The following KIF15 variants were observed in gnomAD, a reference collection of about 807,000 sequenced individuals.
KIF15 encodes the protein kinesin family member 15.
KIF15 carries 140 observed loss-of-function variants against 190.6 expected under a neutral mutation model. The ratio of observed to expected loss-of-function variants is 0.73; its 90% CI spans 0.64 to 0.84. The LOEUF (loss-of-function observed/expected upper bound fraction) is 0.84, where lower values mean the gene tolerates loss of function less well. Among genes scored for constraint, KIF15 ranks in the 40% least tolerant of loss-of-function variants. The pLI, the probability that KIF15 is intolerant of heterozygous loss-of-function variation, is 0.00. For missense variants in KIF15, 1,372 were observed against 1,584.4 expected (o/e 0.87, Z 2.28); for synonymous variants, 528 against 551.3 (o/e 0.96, Z 0.59).
At chr3:44,814,804 A>G in intron 19 of KIF15, 107 bp from the exon 20 acceptor site, 2 of 819,628 alleles carry the variant, frequency 2.4e-6, no homozygotes, top group South Asian at 5.0e-5. Context: ...ATTTTTCCTT[A>G]AAATAGTCTC....
At chr3:44,843,324 C>A in intron 30 of KIF15, 90 bp downstream of exon 30, 1 of 780,300 alleles carries the variant, frequency 1.3e-6, no homozygotes, top group Non-Finnish European at 2.1e-6. Flanking sequence ...ACAGGTTTCC[C>A]AAGGTGTACA....
chr3:44,847,824 C>G (rs1338432726), intron 30 of KIF15, among the ~76,000 whole-genome samples, 161 bp from the exon 31 acceptor site: 2 of 152,242 alleles, frequency 1.3e-5, no homozygotes, highest in South Asian at 2.1e-4. Flanking sequence ...GTGTCAATCA[C>G]ATTTATCAAC....
chr3:44,829,604 A>ATATATTATATG lies in KIF15; in HGVS notation c.2944-362_2944-361insTATATGTATAT, dbSNP rs1491488325. On this transcript the variant is annotated intron_variant, in intron 24 of 34. Coordinates refer to ENST00000326047, the MANE Select transcript of KIF15 (RefSeq NM_020242.3). ...TGTATATATTATATATTATATATGCATATATATTATATATGTATATACATT... is the reference window on the plus strand; with the variant it reads ...TGTATATATTATATATTATATATGCATATATTATATGTATATATTATATATGTATATACATT... 2.2e-4 allele frequency among the ~76,000 whole-genome samples: 7 copies of ATATATTATATG among 32,232 alleles called. 1 individual carries two copies. The highest frequency in any genetic ancestry group is 8.7e-4 in the African/African-American group (7 of 8,078). 21.1% of individuals were successfully genotyped at this position (32,232 alleles called of 152,430 possible). A position where few individuals can be genotyped will look rare whatever the true frequency, so the allele number is the denominator to read the frequency against.
At position 44,839,214 on chromosome 3, in the gene KIF15, CA is replaced by C. The variant is rs530002497; in HGVS notation, c.3318+801del. On this transcript the variant is annotated intron_variant, in intron 27 of 34. Coordinates refer to ENST00000326047, the MANE Select transcript of KIF15 (RefSeq NM_020242.3). ...TGAACCCCCGTCTCTACTGAAAGCA[CA>C]AAAAAAATTAGCCGGGCGTGGTGGC... Among the ~76,000 whole-genome samples, 105 of 151,050 alleles carry C rather than the reference CA, an allele frequency of 7.0e-4. 1 individual carries two copies. The highest frequency in any genetic ancestry group is 1.3e-3 in the Non-Finnish European group (87 of 67,642).
rs1401015169 is a variant in KIF15, at chr3:44,805,924, A to G, written c.1909A>G (p.Thr637Ala). Reference protein sequence around the residue: ...NLNLENLLEATKACKRQEVSQ... With the variant: ...NLNLENLLEAAKACKRQEVSQ... ...TAATCTTGAAAACCTTTTGGAAGCA[A>G]CAAAAGCCTGCAAGCGGCAAGAAGT... The change falls in exon 16 of 35, where the codon ACA (threonine) becomes GCA (alanine). Residue 637 changes from threonine (T) to alanine (A), a missense_variant. Coordinates refer to ENST00000326047, the MANE Select transcript of KIF15 (RefSeq NM_020242.3). 1.9e-6 allele frequency: 3 copies of G among 1,614,204 alleles called. No individual in the cohort carries two copies. In the African/African-American group the frequency reaches 4.0e-5, roughly 22 times the overall value.
rs182267219 is a variant in KIF15, at chr3:44,811,247, T to C, written c.2169+204T>C. Among the ~76,000 whole-genome samples, 449 of 152,352 alleles carry C rather than the reference T, an allele frequency of 2.9e-3. 1 individual carries two copies. Among genetic ancestry groups the C allele is most frequent in the Non-Finnish European group, 3.3e-3 (223 of 68,034 alleles). On this transcript the variant is annotated intron_variant, in intron 17 of 34. Coordinates refer to ENST00000326047, the MANE Select transcript of KIF15 (RefSeq NM_020242.3). ...TCTCTACTTTACAATCTTTAGCAAGTCATTCTCCATGGGTTTTTGTTCCTT... is the reference window on the plus strand; with the variant it reads ...TCTCTACTTTACAATCTTTAGCAAGCCATTCTCCATGGGTTTTTGTTCCTT...
At chr3:44,823,410 A>G (rs370003760) in intron 20 of KIF15, among the ~76,000 whole-genome samples, 1 of 152,140 alleles carries the variant, frequency 6.6e-6, no homozygotes, top group Admixed American at 6.6e-5. Context: ...ACCCACCTGT[A>G]TGAGGTGTCA....
intron 26 of KIF15, among the ~76,000 whole-genome samples, chr3:44,833,009 C>CAAAAAAAAAA (rs11339810): frequency 1.2e-5 from 1 of 85,210 alleles, no homozygotes; most frequent in African/African-American, 4.0e-5. Flanking sequence ...GACTCCATCT[C>CAAAAAAAAAA]AAAAAAAAAA....
chr3:44,814,966 G>C lies in KIF15; in HGVS notation c.2439G>C (p.Glu813Asp), dbSNP rs752579160. The change falls in exon 20 of 35, where the codon GAG becomes GAC. Residue 813 changes from glutamate to aspartate, a missense_variant. Physicochemically the swap from Glu to Asp is conservative, Grantham distance 45. Coordinates refer to ENST00000326047, the MANE Select transcript of KIF15 (RefSeq NM_020242.3). ...TAGTCCTTCATTCTGCTGACAAGGA[G>C]CTTTCTTCAGTGAAATTGGAATATA... The part of the protein sequence containing the change: ...LRVVLHSADK[E>D]LSSVKLEYSS... The C allele has an allele frequency of 6.8e-6, 11 of 1,612,862 alleles. No individual in the cohort carries two copies. The highest frequency in any genetic ancestry group is 9.3e-6 in the Non-Finnish European group (11 of 1,179,636).
Position 44,778,205 on chromosome 3 carries a change from T to G in KIF15, c.323+14T>G, listed in dbSNP as rs1290354204. On this transcript the variant is annotated intron_variant, in intron 4 of 34. Transcript: ENST00000326047. ...CATCTTTGCATAGTAAGTTGTTGAC[T>G]GTGTCCTTATACATAGTACATGCTT... The G allele has an allele frequency of 6.3e-7, 1 of 1,583,778 alleles. No individual in the cohort carries two copies. Among genetic ancestry groups the G allele is most frequent in the Admixed American group, 1.7e-5 (1 of 59,972 alleles).
intron 16 of KIF15, among the ~76,000 whole-genome samples, chr3:44,810,516 T>G (rs934023146): frequency 6.6e-6 from 1 of 152,118 alleles, no homozygotes; most frequent in Non-Finnish European, 1.5e-5. Context: ...CTTCTCAGCC[T>G]CCCACGGTGT....
At chr3:44,806,016 A>C (rs1257114523) in intron 16 of KIF15, 30 bp downstream of exon 16, 28 of 1,604,012 alleles carry the variant, frequency 1.7e-5, no homozygotes, top group Non-Finnish European at 2.4e-5. Context: ...CCTCCACCTT[A>C]AATCAGTGCA....
At chr3:44,833,426 T>C (rs1276753690) in intron 26 of KIF15, among the ~76,000 whole-genome samples, 1 of 151,944 alleles carries the variant, frequency 6.6e-6, no homozygotes, top group Non-Finnish European at 1.5e-5. Flanking sequence ...CTGAGCTTGT[T>C]TTCCTGCAAC....
intron 19 of KIF15, 77 bp downstream of exon 19, chr3:44,813,257 G>A (rs1340175657): frequency 1.2e-6 from 1 of 829,362 alleles, no homozygotes; most frequent in Admixed American, 2.9e-5. Flanking sequence ...ATTAATAAAT[G>A]CTGTTCCTAT....
At chr3:44,817,032 G>GT (rs201158342) in intron 20 of KIF15, among the ~76,000 whole-genome samples, 3,033 of 148,304 alleles carry the variant, frequency 0.02, 91 homozygotes, top group African/African-American at 0.067. Context: ...CTGCATAAAT[G>GT]TTTTTTTTTT....
At position 44,801,545 on chromosome 3, in the gene KIF15, A is replaced by G. The variant is rs1281750037; in HGVS notation, c.1299+19A>G. ...AAAGAAGGTAGGAAATGGAATTAGT[A>G]ATAAAGGAGATTCAAGATAGTTAGT... On this transcript the variant is annotated intron_variant, in intron 12 of 34. Transcript: ENST00000326047. The G allele has an allele frequency of 6.9e-7, 1 of 1,441,246 alleles. No homozygotes were observed. Among genetic ancestry groups the G allele is most frequent in the Non-Finnish European group, 9.7e-7 (1 of 1,027,426 alleles). 89.3% of individuals were successfully genotyped at this position (1,441,246 alleles called of 1,614,324 possible).
chr3:44,835,452 C>T (rs146613548), intron 26 of KIF15, among the ~76,000 whole-genome samples: 4 of 152,052 alleles, frequency 2.6e-5, no homozygotes, highest in Admixed American at 6.6e-5. Context: ...ATGATGCCCA[C>T]GCTGGTCTCG....
intron 22 of KIF15, among the ~76,000 whole-genome samples, chr3:44,826,745 C>G (rs139660715): frequency 7.3e-4 from 111 of 152,282 alleles, no homozygotes; most frequent in African/African-American, 2.6e-3. Flanking sequence ...AAGATGACTT[C>G]TAACTCTTCC....
At chr3:44,780,322 A>G (rs1706107342) in intron 4 of KIF15, among the ~76,000 whole-genome samples, 1 of 152,152 alleles carries the variant, frequency 6.6e-6, no homozygotes, top group Admixed American at 6.6e-5. Context: ...AACCTATAGC[A>G]TAAGAATTTT....
Sources: gnomAD v4.1 joint callset for allele counts (sites outside exome capture counted in the v4.1 genomes callset) on GRCh38, gnomAD v4.1.1 for gene constraint, MANE v1.5 for transcripts, NCBI Gene and HGNC (gene_info 2026-07-23, HGNC 2026-07-21) for gene names.